Variants in DDX4 observed in about 807,000 individuals in gnomAD.
The protein encoded by DDX4 is probable ATP-dependent RNA helicase DDX4.
DDX4 carries 25 observed loss-of-function variants against 100.0 expected under a neutral mutation model. The observed-to-expected ratio is 0.25, with a 90% CI of 0.18 to 0.35. The LOEUF (loss-of-function observed/expected upper bound fraction) is 0.35. Among genes scored for constraint, DDX4 ranks in the 10% least tolerant of loss-of-function variants. The pLI, the probability that DDX4 is intolerant of heterozygous loss-of-function variation, is 1.00. For missense variants in DDX4, 635 were observed against 882.4 expected (o/e 0.72, Z 3.55); for synonymous variants, 259 against 275.7 (o/e 0.94, Z 0.60).
chr5:55,793,043 T>G (rs1231236569), intron 17 of DDX4, among the ~76,000 whole-genome samples: 1 of 147,940 alleles, frequency 6.8e-6, no homozygotes, highest in Non-Finnish European at 1.5e-5. Context: ...TGTGTGTGTG[T>G]GTGTGTGTGT....
intron 2 of DDX4, among the ~76,000 whole-genome samples, chr5:55,742,427 A>T (rs1357344066): frequency 6.6e-6 from 1 of 152,238 alleles, no homozygotes; most frequent in Non-Finnish European, 1.5e-5. Context: ...TAATTGAGTA[A>T]TTAGACCATC....
chr5:55,739,086 A>G, intron 2 of DDX4, 54 bp downstream of exon 2: 2 of 1,087,370 alleles, frequency 1.8e-6, no homozygotes, highest in Non-Finnish European at 1.4e-6. Flanking sequence ...TCAAAGTTGA[A>G]AATCACTGTG....
In DDX4 at chr5:55,816,660, C is replaced by T; in HGVS notation, c.*120C>T. 2 of 1,447,786 alleles carry T rather than the reference C, an allele frequency of 1.4e-6. No individual in the cohort carries two copies. Among genetic ancestry groups the T allele is most frequent in the African/African-American group, 1.4e-5 (1 of 69,386 alleles). The allele number at this position is 1,447,786 out of a possible 1,614,324, so 89.7% of individuals were successfully genotyped here. A position where few individuals can be genotyped will look rare whatever the true frequency, so the allele number is the denominator to read the frequency against. On this transcript the variant is annotated 3_prime_UTR_variant, in exon 22 of 22. Coordinates refer to ENST00000505374, the MANE Select transcript of DDX4 (RefSeq NM_024415.3). ...CATAGCTCCTGTCCTTGTATTCTCA[C>T]TCCTACACTTAAAAAAAAAATCCTT...
rs1396106962 is a variant in DDX4 at position 55,768,951 on chromosome 5, C to G, written c.394+1011C>G. Among the ~76,000 whole-genome samples the G allele has an allele frequency of 2.6e-5, 4 of 152,204 alleles. No individual in the cohort carries two copies. In the East Asian group the frequency reaches 7.7e-4, roughly 29 times the overall value. Reference sequence around the variant, plus strand: ...TTGAAACGTGCCCATGTCCATTGTCCACTTTTTAACGGAGTTGTTTGTTTT... The same window carrying G: ...TTGAAACGTGCCCATGTCCATTGTCGACTTTTTAACGGAGTTGTTTGTTTT... On this transcript the variant is annotated intron_variant, in intron 7 of 21. Transcript: ENST00000505374.
At chr5:55,740,672 ATTT>A (rs11294945) in intron 2 of DDX4, among the ~76,000 whole-genome samples, 35 of 113,620 alleles carry the variant, frequency 3.1e-4, no homozygotes, top group Admixed American at 7.3e-4. Context: ...CGCCCCGCTA[ATTT>A]TTTTTTTTTT....
chr5:55,745,546 C>T (rs1374455969), intron 2 of DDX4, among the ~76,000 whole-genome samples: 3 of 152,028 alleles, frequency 2.0e-5, no homozygotes, highest in Admixed American at 6.6e-5. Flanking sequence ...CTCAGCCTCC[C>T]GAGTAGCTGG....
intron 16 of DDX4, 78 bp downstream of exon 16, chr5:55,790,783 G>C: frequency 7.7e-7 from 1 of 1,290,508 alleles, no homozygotes; most frequent in East Asian, 2.3e-5. Flanking sequence ...ATGAGGTAAA[G>C]ACAGATGTAT....
chr5:55,746,811 T>C (rs1480588499), intron 3 of DDX4, among the ~76,000 whole-genome samples: 1 of 152,178 alleles, frequency 6.6e-6, no homozygotes, highest in African/African-American at 2.4e-5. Context: ...TCCAACTCTA[T>C]TTTACAGAGT....
chr5:55,770,251 G>C (rs1741174029), intron 7 of DDX4, among the ~76,000 whole-genome samples: 1 of 152,128 alleles, frequency 6.6e-6, no homozygotes, highest in Non-Finnish European at 1.5e-5. Context: ...ATCAATTACA[G>C]AAGAGGGACA....
rs62361926 is a variant in DDX4 at position 55,816,452 on chromosome 5, A to G, written c.2098-11A>G. ...TTTGTTTCTTTTTTTTTTTTTTTAA[A>G]TAATTACCAGGGCAAGAGCACTTTG... On this transcript the variant is annotated splice_polypyrimidine_tract_variant and intron_variant, in intron 21 of 21. Transcript: ENST00000505374. 1.3e-6 allele frequency: 2 copies of G among 1,570,980 alleles called. No homozygotes were observed. Among genetic ancestry groups the G allele is most frequent in the African/African-American group, 1.4e-5 (1 of 72,072 alleles).
At chr5:55,778,235 T>A (rs1440864607) in intron 7 of DDX4, among the ~76,000 whole-genome samples, 1 of 152,070 alleles carries the variant, frequency 6.6e-6, no homozygotes, top group East Asian at 1.9e-4. Flanking sequence ...CCTGAAATAT[T>A]TAGAATTTAA....
chr5:55,757,791 C>CACG (rs1760028321), intron 3 of DDX4, among the ~76,000 whole-genome samples: 8 of 152,194 alleles, frequency 5.3e-5, no homozygotes, highest in African/African-American at 1.9e-4. Context: ...CGCCTGTAGT[C>CACG]CCAGCACTAT....
chr5:55,742,818 C>T (rs1014294820), intron 2 of DDX4, among the ~76,000 whole-genome samples: 10 of 152,048 alleles, frequency 6.6e-5, no homozygotes, highest in African/African-American at 2.2e-4. Flanking sequence ...AGAATAAGCG[C>T]GTTTGAGAAC....
At chr5:55,807,968 A>G (rs1056552543) in intron 18 of DDX4, among the ~76,000 whole-genome samples, 6 of 152,126 alleles carry the variant, frequency 3.9e-5, no homozygotes, top group Admixed American at 2.0e-4. Context: ...TCAGATGTAG[A>G]TATGGTCTTT....
At chr5:55,814,505 T>G (rs1744278607) in intron 19 of DDX4, among the ~76,000 whole-genome samples, 1 of 118,130 alleles carries the variant, frequency 8.5e-6, no homozygotes, top group Non-Finnish European at 1.7e-5. Context: ...GCTGCTATTC[T>G]TTTTTTTTTT....
chr5:55,742,544 T>TG (rs1228449053), intron 2 of DDX4, among the ~76,000 whole-genome samples: 1 of 152,240 alleles, frequency 6.6e-6, no homozygotes, highest in African/African-American at 2.4e-5. Flanking sequence ...AGAATACAGG[T>TG]GAAAAAAATG....
At chr5:55,763,295 A>AT (rs763238012) in intron 5 of DDX4, 43 bp downstream of exon 5, 33 of 1,226,446 alleles carry the variant, frequency 2.7e-5, no homozygotes, top group Non-Finnish European at 3.5e-5. Flanking sequence ...AACTTGAGTG[A>AT]TTTTTTAATA....
intron 7 of DDX4, among the ~76,000 whole-genome samples, chr5:55,775,482 A>C (rs1300655978): frequency 6.6e-6 from 1 of 152,296 alleles, no homozygotes; most frequent in East Asian, 1.9e-4. Flanking sequence ...TAGAGTTTGG[A>C]AAAAGTTAAT....
chr5:55,782,053 T>A, intron 10 of DDX4, 72 bp downstream of exon 10: 2 of 1,544,608 alleles, frequency 1.3e-6, no homozygotes, highest in Non-Finnish European at 1.8e-6. Flanking sequence ...TTTCTGTACT[T>A]CACTGGTTGG....
Sources: gnomAD v4.1 joint callset for allele counts (sites outside exome capture counted in the v4.1 genomes callset) on GRCh38, gnomAD v4.1.1 for gene constraint, MANE v1.5 for transcripts, NCBI Gene and HGNC (gene_info 2026-07-23, HGNC 2026-07-21) for gene names.